Variants in L3MBTL4 observed in about 807,000 individuals in gnomAD.
The protein encoded by L3MBTL4 is lethal(3)malignant brain tumor-like protein 4.
In L3MBTL4, 70 loss-of-function variants were observed where a neutral mutation model predicts 84.5. The observed-to-expected ratio is 0.83, with a 90% CI of 0.68 to 1.01. The LOEUF is 1.01. Among genes scored for constraint, L3MBTL4 ranks in the 50% least tolerant of loss-of-function variants. The pLI, the probability that L3MBTL4 is intolerant of heterozygous loss-of-function variation, is 0.00. For synonymous variants in L3MBTL4, 274 were observed against 259.8 expected (o/e 1.05, Z -0.52); for missense variants, 715 against 754.8 (o/e 0.95, Z 0.62).
At chr18:6,209,802 T>A (rs747784525) in intron 12 of L3MBTL4, among the ~76,000 whole-genome samples, 2 of 152,208 alleles carry the variant, frequency 1.3e-5, no homozygotes, top group Admixed American at 1.3e-4. Flanking sequence ...TGGCTATTAT[T>A]CAGAAATAAA....
At position 5,984,202 on chromosome 18, in the gene L3MBTL4, G is replaced by A. The variant is rs117793526; in HGVS notation, c.1445-14640C>T. ...GCTGGGATTATAGGCATGAGCCACC[G>A]CACCCTGCCCATCTGAAATTTATTT... is the stretch of plus-strand genomic sequence containing the variant. On this transcript the variant is annotated intron_variant, in intron 16 of 18. Coordinates refer to ENST00000317931, the MANE Select transcript of L3MBTL4 (RefSeq NM_001330559.2). 7.3e-3 allele frequency among the ~76,000 whole-genome samples: 1,116 copies of A among 152,268 alleles called. 12 individuals are homozygous for A. The highest frequency in any genetic ancestry group is 0.011 in the Non-Finnish European group (746 of 68,000).
chr18:6,412,392 T>C (rs564005936), intron 1 of L3MBTL4, among the ~76,000 whole-genome samples: 5 of 152,274 alleles, frequency 3.3e-5, no homozygotes, highest in East Asian at 1.9e-4. Context: ...TGAACACTTA[T>C]CTAATGGCGA....
intron 16 of L3MBTL4, among the ~76,000 whole-genome samples, chr18:6,077,921 CG>C (rs1245456658): frequency 2.6e-5 from 4 of 151,802 alleles, no homozygotes; most frequent in Non-Finnish European, 4.4e-5. Flanking sequence ...TCCAGCTACT[CG>C]GGAGGCTGAG....
chr18:6,138,974 C>A (rs1271310553), intron 13 of L3MBTL4, among the ~76,000 whole-genome samples: 1 of 152,152 alleles, frequency 6.6e-6, no homozygotes, highest in African/African-American at 2.4e-5. Context: ...TCCACTCAAC[C>A]ACAGCAAGGA....
chr18:6,231,192 A>G (rs2046986091), intron 10 of L3MBTL4, among the ~76,000 whole-genome samples: 2 of 152,128 alleles, frequency 1.3e-5, no homozygotes, highest in African/African-American at 4.8e-5. Context: ...GTTATCTTCC[A>G]TAGTTTTTAT....
chr18:6,045,721 C>A (rs997441122), intron 16 of L3MBTL4, among the ~76,000 whole-genome samples: 1 of 152,114 alleles, frequency 6.6e-6, no homozygotes, highest in Non-Finnish European at 1.5e-5. Context: ...AAGGACACAG[C>A]CAAACTACAT....
chr18:6,213,506 G>C (rs558392440), intron 11 of L3MBTL4, among the ~76,000 whole-genome samples: 2 of 152,078 alleles, frequency 1.3e-5, no homozygotes, highest in Non-Finnish European at 2.9e-5. Flanking sequence ...TCCACCTTCC[G>C]GGTTCAAGCG....
At chr18:5,995,729 G>A (rs1357044713) in intron 16 of L3MBTL4, among the ~76,000 whole-genome samples, 2 of 152,168 alleles carry the variant, frequency 1.3e-5, no homozygotes, top group Non-Finnish European at 2.9e-5. Context: ...CAGAGGAGAA[G>A]GGGCAGGAAA....
intron 4 of L3MBTL4, among the ~76,000 whole-genome samples, chr18:6,271,100 C>T (rs1173440122): frequency 6.6e-6 from 1 of 152,152 alleles, no homozygotes; most frequent in Non-Finnish European, 1.5e-5. Context: ...CTCTGTTAGA[C>T]CGCAGCAGTG....
At chr18:6,383,880 C>A (rs56162069) in intron 1 of L3MBTL4, among the ~76,000 whole-genome samples, 5,226 of 152,232 alleles carry the variant, frequency 0.034, 319 homozygotes, top group African/African-American at 0.12. Context: ...GATAAAAAAC[C>A]TGTGAGTAAG....
intron 13 of L3MBTL4, among the ~76,000 whole-genome samples, chr18:6,161,134 C>T (rs1263780521): frequency 2.6e-5 from 4 of 152,138 alleles, no homozygotes; most frequent in Non-Finnish European, 5.9e-5. Context: ...GCTAAGACAT[C>T]AGTATTTAGT....
At chr18:6,293,828 T>C (rs2049974943) in intron 4 of L3MBTL4, among the ~76,000 whole-genome samples, 1 of 152,210 alleles carries the variant, frequency 6.6e-6, no homozygotes, top group Non-Finnish European at 1.5e-5. Context: ...TTTTACAAAA[T>C]AATTGGCCTG....
At chr18:6,348,195 G>A (rs1295281585) in intron 1 of L3MBTL4, among the ~76,000 whole-genome samples, 1 of 151,896 alleles carries the variant, frequency 6.6e-6, no homozygotes, top group Non-Finnish European at 1.5e-5. Flanking sequence ...AGAAGATTCA[G>A]TACAGTAAAG....
chr18:6,142,648 T>C (rs1004287975), intron 13 of L3MBTL4, among the ~76,000 whole-genome samples: 5 of 152,290 alleles, frequency 3.3e-5, no homozygotes, highest in African/African-American at 1.2e-4. Flanking sequence ...AGGATAGGCA[T>C]GGTGGCCCAC....
chr18:6,187,139 T>C (rs777986572), intron 12 of L3MBTL4, among the ~76,000 whole-genome samples: 1 of 152,208 alleles, frequency 6.6e-6, no homozygotes, highest in Non-Finnish European at 1.5e-5. Context: ...TGACCTTCTG[T>C]TCCTACTCAG....
chr18:6,087,944 C>T (rs1337582554), intron 15 of L3MBTL4, among the ~76,000 whole-genome samples: 1 of 152,090 alleles, frequency 6.6e-6, no homozygotes, highest in Non-Finnish European at 1.5e-5. Flanking sequence ...GGAATGGAGA[C>T]TCTAAGAGAA....
At chr18:6,343,213 G>A (rs75448022) in intron 1 of L3MBTL4, among the ~76,000 whole-genome samples, 14,541 of 152,146 alleles carry the variant, frequency 0.096, 886 homozygotes, top group Non-Finnish European at 0.13. Flanking sequence ...AGGGAACAAC[G>A]AAATTCAGCA....
chr18:6,004,541 GGAA>G (rs1598410970), intron 16 of L3MBTL4, among the ~76,000 whole-genome samples: 2 of 152,208 alleles, frequency 1.3e-5, no homozygotes, highest in East Asian at 3.9e-4. Context: ...AAATAGAAAA[GGAA>G]GAAGGAGAAT....
intron 16 of L3MBTL4, chr18:6,046,826 A>T (rs2056643237): frequency 1.3e-6 from 1 of 742,708 alleles, no homozygotes; most frequent in East Asian, 2.5e-5. Context: ...TAACAATCTA[A>T]TATCACATCT....
Sources: allele counts gnomAD v4.1 joint callset (sites outside exome capture counted in the v4.1 genomes callset), GRCh38; gene constraint gnomAD v4.1.1; transcripts MANE v1.5; gene names NCBI Gene and HGNC (gene_info 2026-07-23, HGNC 2026-07-21).